Variants in SLIT1 observed in about 807,000 individuals in gnomAD.
SLIT1 encodes the protein slit guidance ligand 1, also known as slit homolog 1 protein.
In SLIT1, 66 loss-of-function variants were observed where a neutral mutation model predicts 186.1. The ratio of observed to expected loss-of-function variants is 0.35; its 90% CI spans 0.29 to 0.44. The LOEUF (loss-of-function observed/expected upper bound fraction) is 0.44, where lower values mean the gene tolerates loss of function less well. SLIT1 is among the 20% of genes least tolerant of loss of function. SLIT1 has a pLI of 1.00. For synonymous variants in SLIT1, 761 were observed against 833.8 expected (o/e 0.91, Z 1.50); for missense variants, 1,638 against 2,037.4 (o/e 0.80, Z 3.77).
intron 8 of SLIT1, among the ~76,000 whole-genome samples, chr10:97,061,807 G>A (rs1848896035): frequency 6.6e-6 from 1 of 152,236 alleles, no homozygotes; most frequent in African/African-American, 2.4e-5. Flanking sequence ...AGGGTGGACA[G>A]ATGTTGAGCC....
intron 1 of SLIT1, among the ~76,000 whole-genome samples, chr10:97,185,190 G>A (rs551425778): frequency 2.6e-5 from 4 of 152,260 alleles, no homozygotes; most frequent in Non-Finnish European, 4.4e-5. Context: ...GGAATAAAGC[G>A]CTGGCGCAGT....
At chr10:97,032,665 A>G (rs915998008) in intron 23 of SLIT1, among the ~76,000 whole-genome samples, 1 of 152,194 alleles carries the variant, frequency 6.6e-6, no homozygotes, top group Non-Finnish European at 1.5e-5. Context: ...AATGCTTCCA[A>G]GTAACTGAAT....
Position 97,048,974 on chromosome 10 carries a change from G to A in SLIT1, c.1446C>T (p.Ser482=). The change falls in exon 14 of 37, where the codon AGC becomes AGT. Residue 482 remains serine, a synonymous_variant. Coordinates refer to ENST00000266058, the MANE Select transcript of SLIT1 (RefSeq NM_003061.3). ...LANKRIGQIK[S]KKFRCSAKEQ... is the part of the protein sequence containing the mutation. ...AGGTACCTGAGCACCGGAACTTCTT[G>A]CTCTTGATCTGCCCGATGCGCTTGT... 6.2e-7 allele frequency: 1 copy of A among 1,610,280 alleles called. No individual in the cohort carries two copies. The highest frequency in any genetic ancestry group is 8.5e-7 in the Non-Finnish European group (1 of 1,179,952).
intron 1 of SLIT1, among the ~76,000 whole-genome samples, chr10:97,183,021 G>A (rs72821773): frequency 0.017 from 2,532 of 151,434 alleles, 34 homozygotes; most frequent in Admixed American, 0.02. Context: ...GACCTGACAA[G>A]CAGCAGAATG....
At chr10:97,065,654 G>T (rs1437180548) in intron 5 of SLIT1, 1 of 226,078 alleles carries the variant, frequency 4.4e-6, no homozygotes, top group Non-Finnish European at 8.9e-6. Context: ...CCTTATGTAT[G>T]TGTAACTAGA....
At position 97,004,715 on chromosome 10, in the gene SLIT1, A is replaced by T. The variant is rs1480433103; in HGVS notation, c.3688T>A (p.Tyr1230Asn). The T allele has an allele frequency of 6.2e-7, 1 of 1,614,118 alleles. No homozygotes were observed. Among genetic ancestry groups the T allele is most frequent in the Admixed American group, 1.7e-5 (1 of 60,022 alleles). The change falls in exon 33 of 37, where the codon TAC becomes AAC. Residue 1230 changes from tyrosine to asparagine, a missense_variant. Coordinates refer to ENST00000266058, the MANE Select transcript of SLIT1 (RefSeq NM_003061.3). The surrounding 1 kb of genome is among the most constrained non-coding windows in gnomAD (Gnocchi z 5.1). ...HVRVSYDPGSYPSSAIYSAET... is the reference protein window; with the variant it reads ...HVRVSYDPGSNPSSAIYSAET... ...TACCTGTAGATGGCAGAGCTGGGGT[A>T]GCTGCCTGGGTCGTAGCTGACACGC...
At chr10:97,001,491 C>G (rs1266866255) in intron 36 of SLIT1, 141 bp from the exon 37 acceptor site, 1 of 662,302 alleles carries the variant, frequency 1.5e-6, no homozygotes, top group Admixed American at 2.6e-5. Context: ...ACCTCTGTCC[C>G]CAGCATACTT....
chr10:97,030,253 A>G (rs939458560), intron 25 of SLIT1, among the ~76,000 whole-genome samples: 11 of 152,226 alleles, frequency 7.2e-5, no homozygotes, highest in African/African-American at 2.7e-4. Context: ...GTAATTCTAC[A>G]TTGAATTACA....
At chr10:97,023,630 G>C (rs1391934806) in intron 25 of SLIT1, among the ~76,000 whole-genome samples, 1 of 152,146 alleles carries the variant, frequency 6.6e-6, no homozygotes, top group Non-Finnish European at 1.5e-5. Context: ...GACAAGACAT[G>C]GATTTTAGGG....
chr10:97,117,598 T>C lies in SLIT1; in HGVS notation c.413+40220A>G, dbSNP rs916529808. On this transcript the variant is annotated intron_variant, in intron 4 of 36. Transcript: ENST00000266058. ...CTGGTGACAGTGTACCAGGGGTAAA[T>C]TGGAAGGGTAGAATTTGAGAGTATA... is the stretch of plus-strand genomic sequence containing the variant. 2.6e-5 allele frequency among the ~76,000 whole-genome samples: 4 copies of C among 152,078 alleles called. No individual in the cohort carries two copies. The East Asian group carries it at 7.7e-4, about 29-fold the overall frequency.
At chr10:97,136,710 G>A (rs1359746924) in intron 4 of SLIT1, among the ~76,000 whole-genome samples, 1 of 152,292 alleles carries the variant, frequency 6.6e-6, no homozygotes, top group African/African-American at 2.4e-5. Context: ...CACGTTTAAC[G>A]AAGCTCCTAA....
intron 1 of SLIT1, 68 bp downstream of exon 1, chr10:97,185,410 T>C: frequency 2.0e-6 from 3 of 1,496,768 alleles, no homozygotes; most frequent in Non-Finnish European, 2.7e-6. Flanking sequence ...CACCCCCAAG[T>C]CCGGAATTGC....
At chr10:97,119,941 A>ATATATATATATATATATATG (rs1179888328) in intron 4 of SLIT1, among the ~76,000 whole-genome samples, 36 of 137,216 alleles carry the variant, frequency 2.6e-4, no homozygotes, top group Admixed American at 5.8e-4. Context: ...ATATATATAT[A>ATATATATATATATATATATG]TATATGTATA....
intron 28 of SLIT1, among the ~76,000 whole-genome samples, chr10:97,016,092 T>C (rs969334294): frequency 2.0e-5 from 3 of 152,166 alleles, no homozygotes; most frequent in Non-Finnish European, 4.4e-5. Flanking sequence ...GTGGATCCCT[T>C]GAGGTCAGGA....
chr10:97,017,154 G>A (rs1314757700), intron 28 of SLIT1, among the ~76,000 whole-genome samples: 3 of 152,236 alleles, frequency 2.0e-5, no homozygotes, highest in Non-Finnish European at 4.4e-5. Context: ...GGTGAAGGGG[G>A]TGTCCTTTCA....
At chr10:97,035,635 G>A (rs903185338) in intron 22 of SLIT1, among the ~76,000 whole-genome samples, 2 of 152,172 alleles carry the variant, frequency 1.3e-5, no homozygotes, top group Non-Finnish European at 2.9e-5. Context: ...CATGAGGGTG[G>A]CACCAGAGCA....
chr10:97,056,482 A>T lies in SLIT1; in HGVS notation c.1158-18T>A. ...TCAGGAGCCTGTGGGCAGAGCCAGG[A>T]CCAAGTGGTGAGGAGAGAGGCTCGA... On this transcript the variant is annotated intron_variant, in intron 12 of 36. Transcript: ENST00000266058. 1 of 1,613,768 alleles carries T rather than the reference A, an allele frequency of 6.2e-7. No homozygotes were observed. The highest frequency in any genetic ancestry group is 8.5e-7 in the Non-Finnish European group (1 of 1,179,812).
chr10:97,078,778 A>AAC (rs1250880266), intron 4 of SLIT1, among the ~76,000 whole-genome samples: 1 of 152,208 alleles, frequency 6.6e-6, no homozygotes, highest in Non-Finnish European at 1.5e-5. Flanking sequence ...TCTGCATGTG[A>AAC]ACACCAGGGC....
At position 97,056,595 on chromosome 10, in the gene SLIT1, A is replaced by G. The variant is rs964805812; in HGVS notation, c.1158-131T>C. The G allele has an allele frequency of 1.5e-5, 14 of 956,854 alleles. No individual in the cohort carries two copies. The African/African-American group carries it at 2.1e-4, about 15-fold the overall frequency. 59.3% of individuals were successfully genotyped at this position (956,854 alleles called of 1,614,324 possible). A position where few individuals can be genotyped will look rare whatever the true frequency, so the allele number is the denominator to read the frequency against. On this transcript the variant is annotated intron_variant, in intron 12 of 36. Transcript: ENST00000266058. ...GAGCCCATCGGAGCAGGCCCAGGGA[A>G]TCTGCCCTCTGGATGTCTGCCCCAC...
Sources: gnomAD v4.1 joint callset for allele counts (sites outside exome capture counted in the v4.1 genomes callset) on GRCh38, gnomAD v4.1.1 for gene constraint, Gnocchi (gnomAD v3.1) non-coding constraint, MANE v1.5 for transcripts, NCBI Gene and HGNC (gene_info 2026-07-23, HGNC 2026-07-21) for gene names.